The following EXOSC7 variants were observed in gnomAD, a reference collection of about 807,000 sequenced individuals.
EXOSC7 encodes the protein exosome component 7, also known as exosome complex component RRP42.
A neutral mutation model predicts 34.3 loss-of-function variants in EXOSC7; 25 were observed. That is an observed-to-expected ratio of 0.73 (90% CI 0.53 to 1.02). The LOEUF is 1.02. EXOSC7 is among the 50% of genes least tolerant of loss of function. EXOSC7 has a pLI of 0.00. For synonymous variants in EXOSC7, 130 were observed against 143.0 expected, an observed-to-expected ratio of 0.91 and a Z score of 0.65; for missense variants, 370 against 368.5, an observed-to-expected ratio of 1.00 and a Z score of -0.03.
chr3:44,980,349 T>A (rs1706240831), intron 1 of EXOSC7, among the ~76,000 whole-genome samples: 1 of 152,264 alleles, frequency 6.6e-6, no homozygotes, highest in Non-Finnish European at 1.5e-5. Context: ...TTAGGTTCTC[T>A]TTCAGTCTTT....
intron 5 of EXOSC7, among the ~76,000 whole-genome samples, chr3:45,003,181 C>A (rs1238711841): frequency 6.6e-6 from 1 of 152,160 alleles, no homozygotes; most frequent in Non-Finnish European, 1.5e-5. Flanking sequence ...GGAATGGGGA[C>A]TCTAAGGCAT....
intron 3 of EXOSC7, 108 bp from the exon 4 acceptor site, chr3:44,996,979 G>A (rs1706738173): frequency 1.8e-6 from 2 of 1,120,572 alleles, no homozygotes; most frequent in Non-Finnish European, 2.6e-6. Context: ...TTTCTGTCGA[G>A]CAGCTGGCTC....
In EXOSC7 at chr3:45,008,217, G is replaced by C. The variant is rs571477552; in HGVS notation, c.771+642G>C. Among the ~76,000 whole-genome samples, 13 of 152,350 alleles carry C rather than the reference G, an allele frequency of 8.5e-5. No individual in the cohort carries two copies. In the East Asian group the frequency reaches 2.5e-3, roughly 29 times the overall value. On this transcript the variant is annotated intron_variant, in intron 7 of 7. Coordinates refer to ENST00000265564, the MANE Select transcript of EXOSC7 (RefSeq NM_015004.4). ...CAGGGTCCTGCTCACCTGTTTCCCA[G>C]ACCTTCTTTCCCCTATATCCACCTC...
At chr3:44,986,171 G>C (rs955850391) in intron 1 of EXOSC7, among the ~76,000 whole-genome samples, 1 of 147,606 alleles carries the variant, frequency 6.8e-6, no homozygotes, top group Non-Finnish European at 1.5e-5. Flanking sequence ...GCAGGGGGCA[G>C]CGCTCCTTGG....
At chr3:44,983,699 G>T (rs1372036191) in intron 1 of EXOSC7, among the ~76,000 whole-genome samples, 2 of 152,188 alleles carry the variant, frequency 1.3e-5, no homozygotes, top group African/African-American at 4.8e-5. Flanking sequence ...GTTTTAAAAT[G>T]GAGCTTTTAC....
At chr3:45,000,541 A>G (rs1190377481) in intron 4 of EXOSC7, among the ~76,000 whole-genome samples, 2 of 152,212 alleles carry the variant, frequency 1.3e-5, no homozygotes, top group African/African-American at 4.8e-5. Flanking sequence ...AATGTGCTCT[A>G]ATTTTCCCTG....
chr3:45,006,139 G>A (rs7633604), intron 6 of EXOSC7, among the ~76,000 whole-genome samples: 65,795 of 140,202 alleles, frequency 0.47, 15,752 homozygotes, highest in East Asian at 0.85. Context: ...GTGCAATGGC[G>A]CGATCTCAGC....
chr3:45,011,600 C>G, downstream of EXOSC7: 1 of 298,784 alleles, frequency 3.3e-6, no homozygotes, highest in Non-Finnish European at 6.1e-6. Context: ...CCCCCACAAG[C>G]TGGAGTAAAG....
chr3:45,003,282 G>C (rs187487683), intron 5 of EXOSC7, among the ~76,000 whole-genome samples: 142 of 152,238 alleles, frequency 9.3e-4, no homozygotes, highest in Non-Finnish European at 7.1e-4. Context: ...TAGCCCTTCT[G>C]CCCAGGCTTG....
chr3:44,991,078 T>TA (rs1706558695), intron 3 of EXOSC7, among the ~76,000 whole-genome samples: 1 of 152,236 alleles, frequency 6.6e-6, no homozygotes, highest in South Asian at 2.1e-4. Context: ...GTTACAAAGC[T>TA]AAAAATGCCA....
chr3:44,976,600 TA>T (rs1706040591), intron 1 of EXOSC7, among the ~76,000 whole-genome samples: 1 of 152,158 alleles, frequency 6.6e-6, no homozygotes, highest in Non-Finnish European at 1.5e-5. Context: ...GGCCTTTTCT[TA>T]GTGAGAGAGC....
chr3:44,978,827 T>C (rs1706194669), intron 1 of EXOSC7, among the ~76,000 whole-genome samples: 1 of 152,174 alleles, frequency 6.6e-6, no homozygotes, highest in African/African-American at 2.4e-5. Context: ...AGTCATTCGC[T>C]CATCATGGAT....
Position 45,011,109 on chromosome 3 carries a change from G to A in EXOSC7, c.772-126G>A, listed in dbSNP as rs546665968. On this transcript the variant is annotated intron_variant, in intron 7 of 7. Coordinates refer to ENST00000265564, the MANE Select transcript of EXOSC7 (RefSeq NM_015004.4). ...TTTAATTTGCTTTAATTAAATAAAAGTCCTCTAAGGCAGATGGAATGTGTA... is the reference window on the plus strand; with the variant it reads ...TTTAATTTGCTTTAATTAAATAAAAATCCTCTAAGGCAGATGGAATGTGTA... 49 of 443,568 alleles carry A rather than the reference G, an allele frequency of 1.1e-4. No homozygotes were observed. The East Asian group carries it at 1.7e-3, about 16-fold the overall frequency. The allele number at this position is 443,568 out of a possible 1,614,324, so 27.5% of individuals were successfully genotyped here.
intron 1 of EXOSC7, among the ~76,000 whole-genome samples, chr3:44,987,634 A>G (rs1016339471): frequency 7.2e-5 from 11 of 152,382 alleles, no homozygotes; most frequent in Admixed American, 3.9e-4. Flanking sequence ...AAGGGCACGT[A>G]GAAGAAAAGA....
chr3:44,989,143 G>T lies in EXOSC7; in HGVS notation c.61G>T (p.Asp21Tyr), dbSNP rs1015380317. The change falls in exon 2 of 8, where the codon GAC (aspartate) becomes TAC (tyrosine). Residue 21 changes from aspartate to tyrosine, a missense_variant. Physicochemically the swap from Asp to Tyr is radical, Grantham distance 160 (BLOSUM62 -3). This residue lies in a region of EXOSC7 where 95 missense variants were observed against 79.8 expected (regional missense o/e 1.19). Coordinates refer to ENST00000265564, the MANE Select transcript of EXOSC7 (RefSeq NM_015004.4). ...KVYIVHGVQEDLRVDGRGCED... is the reference protein window; with the variant it reads ...KVYIVHGVQEYLRVDGRGCED... ...GACTGTGGTTGTTAACACCTAGGAA[G>T]ACCTCCGTGTGGATGGCCGTGGCTG... is the stretch of plus-strand genomic sequence containing the variant. The T allele has an allele frequency of 3.1e-6, 5 of 1,612,384 alleles. No individual in the cohort carries two copies. Among genetic ancestry groups the T allele is most frequent in the Non-Finnish European group, 4.2e-6 (5 of 1,178,410 alleles).
At chr3:44,981,900 G>T (rs1706279280) in intron 1 of EXOSC7, among the ~76,000 whole-genome samples, 1 of 152,042 alleles carries the variant, frequency 6.6e-6, no homozygotes, top group Non-Finnish European at 1.5e-5. Flanking sequence ...GAAAGAAAAA[G>T]AAAAAAGAGA....
In EXOSC7 at chr3:44,994,944, A is replaced by C. The variant is rs78384983; in HGVS notation, c.255-2143A>C. On this transcript the variant is annotated intron_variant, in intron 3 of 7. Transcript: ENST00000265564. ...AAAAATAGGTAAAAATTTCCACTTT[A>C]ACCCAGTGTCAAAAAAAAACCAGTG... Among the ~76,000 whole-genome samples the C allele has an allele frequency of 6.5e-3, 971 of 149,664 alleles. 12 individuals are homozygous for C. Among genetic ancestry groups the C allele is most frequent in the African/African-American group, 0.023 (919 of 40,456 alleles).
intron 1 of EXOSC7, among the ~76,000 whole-genome samples, chr3:44,980,457 G>A (rs2125960937): frequency 6.6e-6 from 1 of 151,236 alleles, no homozygotes; most frequent in African/African-American, 2.4e-5. Flanking sequence ...CTATAGATGA[G>A]GAACTGAGCT....
intron 6 of EXOSC7, among the ~76,000 whole-genome samples, chr3:45,006,748 G>T (rs1279281254): frequency 6.6e-6 from 1 of 152,076 alleles, no homozygotes; most frequent in East Asian, 1.9e-4. Flanking sequence ...TGTTGCCCAG[G>T]CTGGAGTGCA....
Sources: allele counts gnomAD v4.1 joint callset (sites outside exome capture counted in the v4.1 genomes callset), GRCh38; gene constraint gnomAD v4.1.1; regional missense constraint gnomAD v4.1.1; transcripts MANE v1.5; gene names NCBI Gene and HGNC (gene_info 2026-07-23, HGNC 2026-07-21).